Variants in ELOB observed in about 807,000 individuals in gnomAD.
ELOB encodes elongin-B.
A neutral mutation model predicts 12.9 loss-of-function variants in ELOB; 3 were observed. The observed-to-expected ratio is 0.23, with a 90% CI of 0.11 to 0.60. The LOEUF (loss-of-function observed/expected upper bound fraction) is 0.60. ELOB is among the 20% of genes least tolerant of loss of function. The pLI, the probability that ELOB is intolerant of heterozygous loss-of-function variation, is 0.89. For synonymous variants in ELOB, 84 were observed against 67.4 expected (o/e 1.25, Z -1.21); for missense variants, 126 against 159.2 (o/e 0.79, Z 1.12).
In ELOB at chr16:2,772,071, C is replaced by A. The variant is rs377503334; in HGVS notation, c.276G>T (p.Pro92=). ...CGGGCAGCTCTGGCGGGCTGGAAAA[C>A]GGCTCGATGCACAGGGCCTCAAAGG... ...DDTFEALCIE[P]FSSPPELPDV... is the part of the protein sequence containing the mutation. The change falls in exon 4 of 4, where the codon CCG becomes CCT. Residue 92 remains proline, a synonymous_variant. Coordinates refer to ENST00000409906, the MANE Select transcript of ELOB (RefSeq NM_007108.4). 3.5e-5 allele frequency: 57 copies of A among 1,612,282 alleles called. No individual in the cohort carries two copies. Among genetic ancestry groups the A allele is most frequent in the Non-Finnish European group, 3.6e-5 (43 of 1,179,092 alleles).
chr16:2,773,400 A>G (rs1358769157), intron 3 of ELOB, among the ~76,000 whole-genome samples: 1 of 152,164 alleles, frequency 6.6e-6, no homozygotes, highest in Non-Finnish European at 1.5e-5. Context: ...CCAAGCCACA[A>G]ACCTGTGACA....
At chr16:2,775,586 G>A (rs1287277451) in intron 2 of ELOB, 30 bp from the exon 3 acceptor site, 1 of 1,581,664 alleles carries the variant, frequency 6.3e-7, no homozygotes. Flanking sequence ...CTTGGGAGAG[G>A]CCCTACATGG....
chr16:2,776,391 A>C (rs903055875), intron 2 of ELOB, among the ~76,000 whole-genome samples: 2 of 152,214 alleles, frequency 1.3e-5, no homozygotes, highest in African/African-American at 4.8e-5. Flanking sequence ...AGGCTGATGC[A>C]TCTGACTCCC....
chr16:2,772,571 A>G (rs904787318), intron 3 of ELOB: 5 of 149,846 alleles, frequency 3.3e-5, no homozygotes, highest in Non-Finnish European at 7.4e-5. Flanking sequence ...TTAGCCGGGC[A>G]TGGTGGCGGG....
At chr16:2,773,360 T>C (rs2068780325) in intron 3 of ELOB, among the ~76,000 whole-genome samples, 1 of 152,166 alleles carries the variant, frequency 6.6e-6, no homozygotes, top group South Asian at 2.1e-4. Flanking sequence ...ATGTGCCCAC[T>C]GTGCCGAGGT....
At chr16:2,772,779 G>C (rs936255920) in intron 3 of ELOB, among the ~76,000 whole-genome samples, 2 of 151,686 alleles carry the variant, frequency 1.3e-5, no homozygotes, top group Admixed American at 6.6e-5. Context: ...TTCCCATCAT[G>C]ACCTGAATAC....
At position 2,777,260 on chromosome 16, in the gene ELOB, T is replaced by C. The variant is rs1005580660; in HGVS notation, c.-21A>G. The C allele has an allele frequency of 3.9e-6, 4 of 1,018,310 alleles. No individual in the cohort carries two copies. The highest frequency in any genetic ancestry group is 3.6e-5 in the African/African-American group (2 of 55,802). 63.1% of individuals were successfully genotyped at this position (1,018,310 alleles called of 1,614,324 possible). A position where few individuals can be genotyped will look rare whatever the true frequency, so the allele number is the denominator to read the frequency against. On this transcript the variant is annotated 5_prime_UTR_variant, in exon 1 of 4. Transcript: ENST00000409906. ...ACCATCGCGGCTGCTGCCTCTCCCC[T>C]CGACGCGCCGGCGCAGCCGCGCTCC... is the stretch of plus-strand genomic sequence containing the variant.
In ELOB at chr16:2,771,766, G is replaced by A. The variant is rs969349466; in HGVS notation, c.*224C>T. ...TGCTAACAATGGCTTGGGTCTCAGG[G>A]CAACCCAGGTCCCCATGGTGCCTTT... On this transcript the variant is annotated 3_prime_UTR_variant, in exon 4 of 4. Transcript: ENST00000409906. 3.9e-5 allele frequency: 57 copies of A among 1,479,946 alleles called. No homozygotes were observed. The highest frequency in any genetic ancestry group is 5.0e-4 in the Middle Eastern group (2 of 4,006). The allele number at this position is 1,479,946 out of a possible 1,614,324, so 91.7% of individuals were successfully genotyped here.
Position 2,777,219 on chromosome 16 carries a change from T to G in ELOB, c.3+18A>C. The G allele has an allele frequency of 1.2e-6, 1 of 825,856 alleles. No individual in the cohort carries two copies. The highest frequency in any genetic ancestry group is 1.4e-6 in the Non-Finnish European group (1 of 714,726). 51.2% of individuals were successfully genotyped at this position (825,856 alleles called of 1,614,324 possible). ...GCCCCCGGCCCGGCCCGGCCGCCCC[T>G]CCCCCACGCCCGCTCACCATCGCGG... On this transcript the variant is annotated intron_variant, in intron 1 of 3. Coordinates refer to ENST00000409906, the MANE Select transcript of ELOB (RefSeq NM_007108.4).
chr16:2,776,999 C>T lies in ELOB; in HGVS notation c.132G>A (p.Leu44=), dbSNP rs1424357939. 1.9e-6 allele frequency: 3 copies of T among 1,581,080 alleles called. No individual in the cohort carries two copies. Among genetic ancestry groups the T allele is most frequent in the Non-Finnish European group, 2.6e-6 (3 of 1,165,712 alleles). The change falls in exon 2 of 4, where the codon CTG becomes CTA. Residue 44 remains leucine, a synonymous_variant. Transcript: ENST00000409906. The part of the protein sequence containing the change: ...ILKRPPDEQR[L]YKDDQLLDDG... ...GCCCGCCCGCGGGACCCACCTTGTA[C>T]AGCCGCTGCTCGTCAGGAGGCCGCT...
At chr16:2,772,272 CCCCACGGTAATGTCTCCTACCCCTGTGGG>C in intron 3 of ELOB, 170 bp from the exon 4 acceptor site, 1 of 753,622 alleles carries the variant, frequency 1.3e-6, no homozygotes, top group Admixed American at 3.8e-5. Flanking sequence ...ACCCCCGTGG[CCCCACGGTAATGTCTCCTACCCCTGTGGG>C]CCCAACCTGA....
chr16:2,771,790 T>C lies in ELOB; in HGVS notation c.*200A>G, dbSNP rs1271954158. ...GGCAACCCAGGTCCCCATGGTGCCT[T>C]TAAGCAGCAGGCTGGGCCAAGTTCT... On this transcript the variant is annotated 3_prime_UTR_variant, in exon 4 of 4. Transcript: ENST00000409906. 3.4e-6 allele frequency: 5 copies of C among 1,457,332 alleles called. No homozygotes were observed. The highest frequency in any genetic ancestry group is 4.5e-6 in the Non-Finnish European group (5 of 1,109,392). The allele number at this position is 1,457,332 out of a possible 1,614,324, so 90.3% of individuals were successfully genotyped here.
chr16:2,775,944 A>G (rs951313105), intron 2 of ELOB, among the ~76,000 whole-genome samples: 1 of 152,146 alleles, frequency 6.6e-6, no homozygotes, highest in Non-Finnish European at 1.5e-5. Context: ...CACAGACCCA[A>G]CATAAGCGCT....
At chr16:2,772,563 A>T (rs932667029) in intron 3 of ELOB, 1 of 147,016 alleles carries the variant, frequency 6.8e-6, no homozygotes, top group African/African-American at 2.5e-5. Flanking sequence ...AAAAAAAATT[A>T]GCCGGGCATG....
chr16:2,776,906 C>T, intron 2 of ELOB, 87 bp downstream of exon 2: 1 of 1,468,294 alleles, frequency 6.8e-7, no homozygotes, highest in East Asian at 3.0e-5. Context: ...TCGCCGGCCG[C>T]TACTGTTTAC....
intron 3 of ELOB, 52 bp downstream of exon 3, chr16:2,775,399 G>T: frequency 7.2e-7 from 1 of 1,392,700 alleles, no homozygotes. Context: ...TTGGAACAGT[G>T]TTCCCAACCT....
At position 2,771,792 on chromosome 16, in the gene ELOB, A is replaced by G. The variant is rs543708927; in HGVS notation, c.*198T>C. ...CAACCCAGGTCCCCATGGTGCCTTT[A>G]AGCAGCAGGCTGGGCCAAGTTCTCA... On this transcript the variant is annotated 3_prime_UTR_variant, in exon 4 of 4. Coordinates refer to ENST00000409906, the MANE Select transcript of ELOB (RefSeq NM_007108.4). The G allele has an allele frequency of 6.9e-7, 1 of 1,456,592 alleles. No individual in the cohort carries two copies. Among genetic ancestry groups the G allele is most frequent in the Admixed American group, 2.6e-5 (1 of 37,910 alleles). The allele number at this position is 1,456,592 out of a possible 1,614,324, so 90.2% of individuals were successfully genotyped here. A position where few individuals can be genotyped will look rare whatever the true frequency, so the allele number is the denominator to read the frequency against.
chr16:2,772,808 T>C (rs1251199942), intron 3 of ELOB, among the ~76,000 whole-genome samples: 1 of 151,990 alleles, frequency 6.6e-6, no homozygotes, highest in East Asian at 1.9e-4. Flanking sequence ...CCTTGCCGTC[T>C]GTCTCTCCCT....
rs775602329 is a variant in ELOB, at chr16:2,771,625, TAGAA to T, written c.*361_*364del. 1.9e-6 allele frequency: 3 copies of T among 1,612,900 alleles called. No individual in the cohort carries two copies. Among genetic ancestry groups the T allele is most frequent in the African/African-American group, 1.3e-5 (1 of 74,866 alleles). Reference sequence around the variant, plus strand: ...GCAGGCTATGGGGGTGGGGGGCACTTAGAAGGAGAAAGGCCTAAAACTGGAATCT... The same window carrying T: ...GCAGGCTATGGGGGTGGGGGGCACTTGGAGAAAGGCCTAAAACTGGAATCT... On this transcript the variant is annotated 3_prime_UTR_variant, in exon 4 of 4. Transcript: ENST00000409906.
Sources: gnomAD v4.1 joint callset for allele counts (sites outside exome capture counted in the v4.1 genomes callset) on GRCh38, gnomAD v4.1.1 for gene constraint, MANE v1.5 for transcripts, NCBI Gene and HGNC (gene_info 2026-07-23, HGNC 2026-07-21) for gene names.